The following NRXN3 variants were observed in gnomAD, a reference collection of about 807,000 sequenced individuals.
The protein encoded by NRXN3 is neurexin III.
A neutral mutation model predicts 137.6 loss-of-function variants in NRXN3; 32 were observed. The ratio of observed to expected loss-of-function variants is 0.23; its 90% confidence interval spans 0.18 to 0.31. The LOEUF (loss-of-function observed/expected upper bound fraction) is 0.31. NRXN3 is among the 10% of genes least tolerant of loss of function. The pLI is 1.00. For missense variants in NRXN3, 1,574 were observed against 2,062.5 expected (o/e 0.76, Z 4.59); for synonymous variants, 798 against 784.5 (o/e 1.02, Z -0.29).
Position 78,831,543 on chromosome 14 carries a change from A to C in NRXN3, c.2275+21199A>C, listed in dbSNP as rs1465636726. ...GAGGGAGACTCCATGTCAAAAAAAA[A>C]AAAAAAAAAAAAAAAAAACAACAAC... On this transcript the variant is annotated intron_variant, in intron 10 of 20. Coordinates refer to ENST00000335750, the MANE Select transcript of NRXN3 (RefSeq NM_001330195.2). Among the ~76,000 whole-genome samples, 1,365 of 150,348 alleles carry C rather than the reference A, an allele frequency of 9.1e-3. 28 individuals are homozygous for C. Among genetic ancestry groups the C allele is most frequent in the African/African-American group, 0.031 (1,291 of 40,992 alleles).
At chr14:79,807,526 C>A (rs2099212827) in intron 20 of NRXN3, among the ~76,000 whole-genome samples, 1 of 152,088 alleles carries the variant, frequency 6.6e-6, no homozygotes, top group African/African-American at 2.4e-5. Flanking sequence ...CTGAATGGCC[C>A]CAAACTAAAT....
chr14:78,399,454 C>T (rs934800296), intron 4 of NRXN3, among the ~76,000 whole-genome samples: 4 of 152,168 alleles, frequency 2.6e-5, no homozygotes, highest in African/African-American at 9.7e-5. Flanking sequence ...TGGTCAATTA[C>T]AGTATAGGCT....
At chr14:78,959,589 T>C (rs1242577779) in intron 11 of NRXN3, among the ~76,000 whole-genome samples, 1 of 152,176 alleles carries the variant, frequency 6.6e-6, no homozygotes, top group Non-Finnish European at 1.5e-5. Context: ...ACCACAACAA[T>C]TACCCAAAAC....
At chr14:79,732,061 ACTT>A (rs924351690) in intron 19 of NRXN3, among the ~76,000 whole-genome samples, 4 of 151,984 alleles carry the variant, frequency 2.6e-5, no homozygotes, top group African/African-American at 9.7e-5. Flanking sequence ...GTGCCATGCA[ACTT>A]CTATTTTTGT....
chr14:78,875,080 G>A (rs1275325875), intron 10 of NRXN3, among the ~76,000 whole-genome samples: 2 of 152,190 alleles, frequency 1.3e-5, no homozygotes, highest in African/African-American at 4.8e-5. Context: ...GCCTCTGCTG[G>A]AAGAGCAGAA....
intron 20 of NRXN3, among the ~76,000 whole-genome samples, chr14:79,832,456 G>GC (rs2099326800): frequency 6.6e-6 from 1 of 152,266 alleles, no homozygotes; most frequent in African/African-American, 2.4e-5. Flanking sequence ...ATTCTCTGCA[G>GC]CGTAGTTTCT....
chr14:79,636,503 G>A lies in NRXN3; in HGVS notation c.3445-27275G>A, dbSNP rs118094174. 4.8e-3 allele frequency among the ~76,000 whole-genome samples: 723 copies of A among 152,140 alleles called. 5 individuals are homozygous for A. Among genetic ancestry groups the A allele is most frequent in the Admixed American group, 6.3e-3 (96 of 15,286 alleles). ...TGTGTCACATAGAGTGTTTAGGTTG[G>A]CCTCTGATGAAATGAAGCCCAAGTA... On this transcript the variant is annotated intron_variant, in intron 16 of 20. Transcript: ENST00000335750.
chr14:79,647,750 ACTCT>A (rs1430391006), intron 16 of NRXN3, among the ~76,000 whole-genome samples: 1 of 134,698 alleles, frequency 7.4e-6, no homozygotes, highest in Non-Finnish European at 1.7e-5. Context: ...ATTCATCCCA[ACTCT>A]TCAAAGAGGA....
intron 4 of NRXN3, among the ~76,000 whole-genome samples, chr14:78,454,002 C>A (rs999549792): frequency 6.6e-5 from 10 of 152,186 alleles, no homozygotes; most frequent in African/African-American, 2.4e-4. Flanking sequence ...CTTTGTCGTA[C>A]TTTGTTGCCC....
intron 15 of NRXN3, among the ~76,000 whole-genome samples, chr14:79,087,520 A>G (rs1346357544): frequency 2.6e-5 from 4 of 152,188 alleles, no homozygotes; most frequent in Non-Finnish European, 4.4e-5. Flanking sequence ...CTATGGAAAC[A>G]CAGAACCAAC....
intron 19 of NRXN3, among the ~76,000 whole-genome samples, chr14:79,729,340 C>T (rs2154070526): frequency 6.6e-6 from 1 of 152,198 alleles, no homozygotes; most frequent in South Asian, 2.1e-4. Context: ...ATTTTCCAAT[C>T]AGTGGGAGGA....
chr14:79,758,746 A>G lies in NRXN3; in HGVS notation c.4015-46366A>G, dbSNP rs1339848394. On this transcript the variant is annotated intron_variant, in intron 19 of 20. Transcript: ENST00000335750. ...AGAACCAGAGATAGTGTGGCTTAGT[A>G]GAAGGTAAACTGATTATACACACTC... Among the ~76,000 whole-genome samples, 4 of 152,348 alleles carry G rather than the reference A, an allele frequency of 2.6e-5. No homozygotes were observed. The East Asian group carries it at 7.7e-4, about 29-fold the overall frequency.
chr14:78,989,275 C>G (rs1409407564), intron 15 of NRXN3, among the ~76,000 whole-genome samples: 1 of 152,140 alleles, frequency 6.6e-6, no homozygotes, highest in Non-Finnish European at 1.5e-5. Context: ...CAATGCTATG[C>G]CCCCCAGATC....
At chr14:78,172,587 G>A (rs2058829325) in intron 1 of NRXN3, among the ~76,000 whole-genome samples, 1 of 152,152 alleles carries the variant, frequency 6.6e-6, no homozygotes, top group South Asian at 2.1e-4. Context: ...GGGGAGTGGA[G>A]TAAGGGCTCT....
At chr14:78,601,074 C>T (rs987170591) in intron 4 of NRXN3, among the ~76,000 whole-genome samples, 1 of 152,194 alleles carries the variant, frequency 6.6e-6, no homozygotes, top group East Asian at 1.9e-4. Context: ...TTGATATCTG[C>T]CTCCATGTGT....
rs1288105852 is a variant in NRXN3 at position 79,129,583 on chromosome 14, G to C, written c.3262+141442G>C. On this transcript the variant is annotated intron_variant, in intron 15 of 20. Coordinates refer to ENST00000335750, the MANE Select transcript of NRXN3 (RefSeq NM_001330195.2). The stretch of plus-strand genomic sequence containing the variant: ...TCTGTTCTTTTACATTTGCTGAGGA[G>C]AGCTTTACTTCCAAGTATGTGGTCA... 2.8e-3 allele frequency among the ~76,000 whole-genome samples: 375 copies of C among 135,620 alleles called. 1 individual carries two copies. Among genetic ancestry groups the C allele is most frequent in the African/African-American group, 0.01 (366 of 36,310 alleles). 89.0% of individuals were successfully genotyped at this position (135,620 alleles called of 152,430 possible). A position where few individuals can be genotyped will look rare whatever the true frequency, so the allele number is the denominator to read the frequency against.
At chr14:79,094,937 T>TGAGA (rs1476031880) in intron 15 of NRXN3, among the ~76,000 whole-genome samples, 2 of 135,730 alleles carry the variant, frequency 1.5e-5, no homozygotes, top group Non-Finnish European at 3.1e-5. Flanking sequence ...ATTTGGCTTC[T>TGAGA]GAGAGAGAGA....
chr14:78,651,702 A>C (rs949439637), intron 6 of NRXN3, among the ~76,000 whole-genome samples: 1 of 152,188 alleles, frequency 6.6e-6, no homozygotes. Context: ...GGGAAGAAAA[A>C]CTTGTGCAGA....
intron 20 of NRXN3, among the ~76,000 whole-genome samples, chr14:79,825,206 C>CTTTTTTT (rs11449914): frequency 8.5e-6 from 1 of 117,820 alleles, no homozygotes; most frequent in South Asian, 2.8e-4. Flanking sequence ...TCTTTGTGTG[C>CTTTTTTT]TTTTTTTTTT....
Sources: gnomAD v4.1 joint callset for allele counts (sites outside exome capture counted in the v4.1 genomes callset) on GRCh38, gnomAD v4.1.1 for gene constraint, MANE v1.5 for transcripts, NCBI Gene and HGNC (gene_info 2026-07-23, HGNC 2026-07-21) for gene names.